Variants in BASP1 observed in about 807,000 individuals in gnomAD.
The protein encoded by BASP1 is brain abundant membrane attached signal protein 1, also known as brain acid soluble protein 1.
BASP1 carries 1 observed loss-of-function variant against 2.2 expected under a neutral mutation model. The ratio of observed to expected loss-of-function variants is 0.46; its 90% CI spans 0.16 to 2.17. The LOEUF (loss-of-function observed/expected upper bound fraction) is 2.17, where lower values mean the gene tolerates loss of function less well. Ranked by LOEUF, BASP1 falls within the 30% of genes most tolerant of loss-of-function variation. The probability of loss-of-function intolerance (pLI) is 0.27; values close to 1 mark genes in which losing one functional copy is unlikely to be tolerated. For missense variants in BASP1, 352 were observed against 327.2 expected (o/e 1.08, Z -0.58); for synonymous variants, 187 against 154.2 (o/e 1.21, Z -1.58).
At chr5:17,242,481 G>T (rs897659103) in intron 1 of BASP1, among the ~76,000 whole-genome samples, 1 of 151,190 alleles carries the variant, frequency 6.6e-6, no homozygotes, top group African/African-American at 2.4e-5. Context: ...TGATAAACTT[G>T]CATTGACACA....
At chr5:17,273,336 C>A (rs1260577462) in intron 1 of BASP1, among the ~76,000 whole-genome samples, 2 of 151,780 alleles carry the variant, frequency 1.3e-5, no homozygotes, top group Non-Finnish European at 2.9e-5. Flanking sequence ...GAGAAATAAT[C>A]AAAAATTAAA....
chr5:17,256,859 A>G (rs1395470844), intron 1 of BASP1, among the ~76,000 whole-genome samples: 1 of 152,152 alleles, frequency 6.6e-6, no homozygotes, highest in Non-Finnish European at 1.5e-5. Context: ...TTGTGTTTGA[A>G]TATAGGATTT....
chr5:17,259,980 C>T (rs1434030066), intron 1 of BASP1, among the ~76,000 whole-genome samples: 1 of 152,196 alleles, frequency 6.6e-6, no homozygotes, highest in Non-Finnish European at 1.5e-5. Flanking sequence ...AGAAATGGTA[C>T]AGAAATGATC....
At chr5:17,239,729 C>T (rs1172440451) in intron 1 of BASP1, among the ~76,000 whole-genome samples, 2 of 152,102 alleles carry the variant, frequency 1.3e-5, no homozygotes, top group Non-Finnish European at 2.9e-5. Flanking sequence ...GTGATACTGC[C>T]CTTCATTTGA....
intron 1 of BASP1, among the ~76,000 whole-genome samples, chr5:17,259,359 T>C (rs1740271547): frequency 6.6e-6 from 1 of 152,136 alleles, no homozygotes; most frequent in Admixed American, 6.5e-5. Flanking sequence ...GAGTTACAAT[T>C]CAAGATGAGA....
chr5:17,275,369 C>A lies in BASP1; in HGVS notation c.153C>A (p.Ala51=). Residue 51 remains alanine (A), a synonymous_variant, in exon 2 of 2, where the codon GCC becomes GCA. Transcript: ENST00000322611. This position sits in a 1 kb window ranked among gnomAD's most constrained non-coding sequence, Gnocchi z 5.3. Reference sequence around the variant, plus strand: ...AGGCGGCCGCAGAGCCCGCCGAGGCCAAGGAGGGCAAGGAGAAGCCCGACC... The same window carrying A: ...AGGCGGCCGCAGAGCCCGCCGAGGCAAAGGAGGGCAAGGAGAAGCCCGACC... The part of the protein sequence containing the change: ...EPQAAAEPAE[A]KEGKEKPDQD... 3 of 1,597,460 alleles carry A rather than the reference C, an allele frequency of 1.9e-6. No individual in the cohort carries two copies. Among genetic ancestry groups the A allele is most frequent in the Non-Finnish European group, 2.6e-6 (3 of 1,172,448 alleles).
intron 1 of BASP1, among the ~76,000 whole-genome samples, chr5:17,265,102 T>G (rs1295337668): frequency 6.6e-6 from 1 of 152,198 alleles, no homozygotes; most frequent in Admixed American, 6.5e-5. Flanking sequence ...CAGAGCAACG[T>G]AAATGTAAAA....
chr5:17,248,430 A>G (rs1295915545), intron 1 of BASP1, among the ~76,000 whole-genome samples: 2 of 152,210 alleles, frequency 1.3e-5, no homozygotes, highest in Non-Finnish European at 2.9e-5. Context: ...CAATACATAT[A>G]TGGTATTCAT....
intron 1 of BASP1, among the ~76,000 whole-genome samples, chr5:17,233,763 CTTTG>C (rs373932230): frequency 5.6e-4 from 83 of 147,988 alleles, no homozygotes; most frequent in African/African-American, 1.9e-3. Context: ...ATTTTCTTTT[CTTTG>C]TTTTTTTTTT....
chr5:17,243,143 A>C (rs1439322485), intron 1 of BASP1, among the ~76,000 whole-genome samples: 2 of 151,740 alleles, frequency 1.3e-5, no homozygotes, highest in African/African-American at 2.4e-5. Flanking sequence ...ACTGAGACTT[A>C]AATTCTTGCT....
In BASP1 at chr5:17,220,279, C is replaced by A. The variant is rs79863627; in HGVS notation, c.-10+2469C>A. ...TGTCTTCTAGGTGGCATGGATTGTA[C>A]CCTCTGTACTCCTTAGTATTGAGTA... On this transcript the variant is annotated intron_variant, in intron 1 of 1. Coordinates refer to ENST00000322611, the MANE Select transcript of BASP1 (RefSeq NM_006317.5). Among the ~76,000 whole-genome samples the A allele has an allele frequency of 1.1e-3, 167 of 152,196 alleles. No individual in the cohort carries two copies. The East Asian group carries it at 0.013, about 12-fold the overall frequency.
At chr5:17,271,898 C>A (rs115248908) in intron 1 of BASP1, among the ~76,000 whole-genome samples, 2,974 of 151,910 alleles carry the variant, frequency 0.02, 109 homozygotes, top group African/African-American at 0.068. Context: ...GAAACCTCAT[C>A]TGTGCTAAAA....
chr5:17,258,049 C>A (rs921916787), intron 1 of BASP1, among the ~76,000 whole-genome samples: 18 of 152,324 alleles, frequency 1.2e-4, no homozygotes, highest in Non-Finnish European at 2.2e-4. Context: ...TCTGGCTAAA[C>A]TGTGGTACTA....
intron 1 of BASP1, among the ~76,000 whole-genome samples, chr5:17,247,446 A>G (rs1477455292): frequency 3.8e-4 from 58 of 152,326 alleles, no homozygotes; most frequent in Non-Finnish European, 1.5e-4. Flanking sequence ...GGTTTAGAGG[A>G]TGGGAAACCC....
chr5:17,266,389 T>TC (rs1740415348), intron 1 of BASP1, among the ~76,000 whole-genome samples: 1 of 152,178 alleles, frequency 6.6e-6, no homozygotes, highest in South Asian at 2.1e-4. Flanking sequence ...CTCTGTTCTG[T>TC]CTCCCTCCCT....
intron 1 of BASP1, chr5:17,240,599 A>G (rs1739843366): frequency 6.6e-6 from 1 of 152,210 alleles, no homozygotes; most frequent in South Asian, 2.1e-4. Context: ...TCTTTAAAAA[A>G]AGAGAAATAA....
chr5:17,240,180 C>T (rs1462772679), intron 1 of BASP1, among the ~76,000 whole-genome samples: 5 of 150,820 alleles, frequency 3.3e-5, no homozygotes, highest in Admixed American at 3.3e-4. Context: ...CAGGTTGGAG[C>T]CCAGGAGTTT....
chr5:17,244,697 T>G (rs1739942149), intron 1 of BASP1, among the ~76,000 whole-genome samples: 1 of 150,934 alleles, frequency 6.6e-6, no homozygotes, highest in Non-Finnish European at 1.5e-5. Flanking sequence ...TTGTAGTGTT[T>G]TTTTTTTTTT....
intron 1 of BASP1, among the ~76,000 whole-genome samples, chr5:17,250,959 C>T (rs536174279): frequency 1.8e-4 from 27 of 152,204 alleles, no homozygotes; most frequent in Admixed American, 8.5e-4. Context: ...GCGATCTACA[C>T]GCTGTTAGAT....
Sources: allele counts gnomAD v4.1 joint callset (sites outside exome capture counted in the v4.1 genomes callset), GRCh38; gene constraint gnomAD v4.1.1; non-coding constraint Gnocchi (gnomAD v3.1); transcripts MANE v1.5; gene names NCBI Gene and HGNC (gene_info 2026-07-23, HGNC 2026-07-21).